The following SIN3A variants were observed in gnomAD, a reference collection of about 807,000 sequenced individuals.
The protein encoded by SIN3A is SIN3 transcription regulator family member A.
Under a neutral mutation model 146.1 loss-of-function variants are expected in SIN3A, and 14 were observed. That is an observed-to-expected ratio of 0.10 (90% CI 0.06 to 0.15). The LOEUF is 0.15. Among genes scored for constraint, SIN3A ranks in the 10% least tolerant of loss-of-function variants. The pLI, the probability that SIN3A is intolerant of heterozygous loss-of-function variation, is 1.00. For synonymous variants in SIN3A, 572 were observed against 572.0 expected (o/e 1.00, Z 0.00); for missense variants, 1,028 against 1,576.0 (o/e 0.65, Z 5.89).
In SIN3A at chr15:75,371,880, G is replaced by T; in HGVS notation, c.*99C>A. On this transcript the variant is annotated 3_prime_UTR_variant, in exon 21 of 21. Coordinates refer to ENST00000394947, the MANE Select transcript of SIN3A (RefSeq NM_001145358.2). ...GCCATGTCCCAGAGAGGCCCAGTGA[G>T]GCTTGAAAGGCATCTTCCTTGTTTC... 1.8e-6 allele frequency: 2 copies of T among 1,106,528 alleles called. No individual in the cohort carries two copies. Among genetic ancestry groups the T allele is most frequent in the Non-Finnish European group, 2.7e-6 (2 of 751,008 alleles). 68.5% of individuals were successfully genotyped at this position (1,106,528 alleles called of 1,614,324 possible). A position where few individuals can be genotyped will look rare whatever the true frequency, so the allele number is the denominator to read the frequency against.
chr15:75,444,346 C>A (rs369954646), intron 1 of SIN3A, among the ~76,000 whole-genome samples: 1 of 152,074 alleles, frequency 6.6e-6, no homozygotes, highest in Admixed American at 6.6e-5. Flanking sequence ...GAGGTTGAGG[C>A]AGGAGAACCA....
At chr15:75,377,935 G>A (rs921656488) in intron 19 of SIN3A, among the ~76,000 whole-genome samples, 5 of 152,184 alleles carry the variant, frequency 3.3e-5, no homozygotes, top group African/African-American at 4.8e-5. Context: ...AAACAATGTT[G>A]CCAATGGTAA....
intron 2 of SIN3A, 196 bp downstream of exon 2, chr15:75,429,991 C>T (rs943324571): frequency 1.3e-5 from 7 of 553,408 alleles, no homozygotes; most frequent in Admixed American, 6.8e-5. Context: ...GAGTGGGATA[C>T]GCAGGGAACT....
chr15:75,410,173 T>C lies in SIN3A; in HGVS notation c.1122A>G (p.Ser374=). 2 of 1,614,190 alleles carry C rather than the reference T, an allele frequency of 1.2e-6. No individual in the cohort carries two copies. Among genetic ancestry groups the C allele is most frequent in the Non-Finnish European group, 1.7e-6 (2 of 1,180,026 alleles). The change falls in exon 7 of 21, where the codon TCA becomes TCG. Residue 374 remains serine (S), a synonymous_variant. Transcript: ENST00000394947. ...RLFKNQEDLL[S]EFGQFLPDAN... is the part of the protein sequence containing the mutation. Reference sequence around the variant, plus strand: ...CATCTGGTAGGAATTGTCCAAACTCTGACAACAAATCTTCCTGGTTTTTAA... The same window carrying C: ...CATCTGGTAGGAATTGTCCAAACTCCGACAACAAATCTTCCTGGTTTTTAA...
In SIN3A at chr15:75,400,934, G is replaced by A. The variant is rs762259370; in HGVS notation, c.1533C>T (p.Phe511=). 1.9e-6 allele frequency: 3 copies of A among 1,611,286 alleles called. No homozygotes were observed. The South Asian group carries it at 3.3e-5, about 18-fold the overall frequency. The change falls in exon 11 of 21, where the codon TTC becomes TTT. Residue 511 remains phenylalanine (F), a synonymous_variant. Coordinates refer to ENST00000394947, the MANE Select transcript of SIN3A (RefSeq NM_001145358.2). ...TTTTAAACCAATTAAACAACTCAGGGAATTTCCTGAAGAATCAAACCAAAA... is the reference window on the plus strand; with the variant it reads ...TTTTAAACCAATTAAACAACTCAGGAAATTTCCTGAAGAATCAAACCAAAA... ...VQLVSPFLGK[F]PELFNWFKNF... is the part of the protein sequence containing the mutation.
upstream of SIN3A, among the ~76,000 whole-genome samples, chr15:75,454,677 ACGCCCG>A (rs1228850200): frequency 9.6e-3 from 1,435 of 149,624 alleles, 13 homozygotes; most frequent in Non-Finnish European, 0.017. Flanking sequence ...GGGCGCGCAC[ACGCCCG>A]CGCCCCCGCC....
intron 1 of SIN3A, among the ~76,000 whole-genome samples, chr15:75,450,165 C>G (rs2074376354): frequency 6.6e-6 from 1 of 151,460 alleles, no homozygotes; most frequent in Non-Finnish European, 1.5e-5. Context: ...GTATTTTATT[C>G]AAAGTCTGAG....
At chr15:75,436,933 G>A (rs1302021100) in intron 1 of SIN3A, among the ~76,000 whole-genome samples, 7 of 152,188 alleles carry the variant, frequency 4.6e-5, no homozygotes, top group Non-Finnish European at 7.3e-5. Flanking sequence ...CAGGGGTATA[G>A]AGCATGAAAT....
At chr15:75,387,247 G>T (rs1191487729) in intron 16 of SIN3A, among the ~76,000 whole-genome samples, 2 of 152,150 alleles carry the variant, frequency 1.3e-5, no homozygotes, top group African/African-American at 2.4e-5. Context: ...ACTGTAGGCT[G>T]GGCACAGTGG....
chr15:75,434,797 A>C lies in SIN3A; in HGVS notation c.-33-4389T>G, dbSNP rs370208288. ...AACTCTGTCTCTACTAAAAACACAA[A>C]ATTAGCCGGGCATGGTGGTGCATGC... On this transcript the variant is annotated intron_variant, in intron 1 of 20. Transcript: ENST00000394947. 6.0e-5 allele frequency among the ~76,000 whole-genome samples: 9 copies of C among 150,500 alleles called. 1 individual carries two copies. Among genetic ancestry groups the C allele is most frequent in the East Asian group, 5.9e-4 (3 of 5,124 alleles).
rs2073227641 is a variant in SIN3A at position 75,392,608 on chromosome 15, C to T, written c.2485G>A (p.Gly829Ser). The T allele has an allele frequency of 1.2e-6, 2 of 1,614,080 alleles. No homozygotes were observed. Among genetic ancestry groups the T allele is most frequent in the South Asian group, 2.2e-5 (2 of 91,094 alleles). ...FIPDLLFAQR[G>S]DLSDVEEEEE... is the part of the protein sequence containing the mutation. ...TCTTCCTCCACATCTGAGAGATCAC[C>T]TCTTTGGGCAAAGAGCAAATCTGGA... Residue 829 changes from glycine to serine, a missense_variant, in exon 15 of 21, where the codon GGT becomes AGT. Around this residue, in one of 9 missense-constraint regions of SIN3A, gnomAD observed 488 missense variants for 690.2 expected, o/e 0.71. Coordinates refer to ENST00000394947, the MANE Select transcript of SIN3A (RefSeq NM_001145358.2).
chr15:75,404,881 C>T (rs1053565499), intron 9 of SIN3A, among the ~76,000 whole-genome samples: 46 of 152,250 alleles, frequency 3.0e-4, no homozygotes, highest in Admixed American at 1.6e-3. Flanking sequence ...CCTGTAATCT[C>T]AACACTTTGG....
chr15:75,445,081 C>T (rs1279429453), intron 1 of SIN3A, among the ~76,000 whole-genome samples: 1 of 150,848 alleles, frequency 6.6e-6, no homozygotes, highest in Non-Finnish European at 1.5e-5. Context: ...GAAATATAAT[C>T]TTTCAAAATA....
intron 16 of SIN3A, among the ~76,000 whole-genome samples, chr15:75,386,695 G>A (rs1323902286): frequency 6.6e-6 from 1 of 152,252 alleles, no homozygotes; most frequent in African/African-American, 2.4e-5. Flanking sequence ...AAGGCATGCA[G>A]GAGAGAAAAA....
At chr15:75,432,368 T>C (rs1286518303) in intron 1 of SIN3A, among the ~76,000 whole-genome samples, 1 of 152,144 alleles carries the variant, frequency 6.6e-6, no homozygotes, top group Non-Finnish European at 1.5e-5. Context: ...CATCGGAGAT[T>C]AACCTCTGTA....
At chr15:75,421,150 T>C (rs1168676185) in intron 3 of SIN3A, 3 of 152,226 alleles carry the variant, frequency 2.0e-5, no homozygotes, top group African/African-American at 7.2e-5. Context: ...CATTAAAGTA[T>C]AACTACTGAA....
chr15:75,403,490 A>G (rs1376866672), intron 9 of SIN3A, among the ~76,000 whole-genome samples: 3 of 151,772 alleles, frequency 2.0e-5, no homozygotes, highest in Admixed American at 2.0e-4. Flanking sequence ...ACCTTCTCAT[A>G]TGCTTGATTC....
intron 16 of SIN3A, among the ~76,000 whole-genome samples, chr15:75,387,468 C>A (rs1211181465): frequency 6.8e-6 from 1 of 148,072 alleles, no homozygotes; most frequent in African/African-American, 2.5e-5. Flanking sequence ...CCACTGCACT[C>A]CAGCCTGGGC....
Position 75,412,668 on chromosome 15 carries a change from T to C in SIN3A, c.756+95A>G, listed in dbSNP as rs369555179. On this transcript the variant is annotated intron_variant, in intron 5 of 20. Transcript: ENST00000394947. ...ATGACGAAATCTTTGTAACTTTGTT[T>C]CTCAGTATCTAAGTCTTATATAAAG... 1.7e-5 allele frequency: 21 copies of C among 1,221,934 alleles called. No homozygotes were observed. In the East Asian group the frequency reaches 2.1e-4, roughly 12 times the overall value. 75.7% of individuals were successfully genotyped at this position (1,221,934 alleles called of 1,614,324 possible). A position where few individuals can be genotyped will look rare whatever the true frequency, so the allele number is the denominator to read the frequency against.
Sources: gnomAD v4.1 joint callset for allele counts (sites outside exome capture counted in the v4.1 genomes callset) on GRCh38, gnomAD v4.1.1 for gene constraint, gnomAD v4.1.1 regional missense constraint, MANE v1.5 for transcripts, NCBI Gene and HGNC (gene_info 2026-07-23, HGNC 2026-07-21) for gene names.